PGR: variants seen among roughly 807,000 people sequenced by gnomAD.
The protein encoded by PGR is nuclear receptor subfamily 3 group C member 3.
PGR carries 25 observed loss-of-function variants against 76.1 expected under a neutral mutation model. The ratio of observed to expected loss-of-function variants is 0.33; its 90% CI spans 0.24 to 0.46. The LOEUF (loss-of-function observed/expected upper bound fraction) is 0.46. Among genes scored for constraint, PGR ranks in the 20% least tolerant of loss-of-function variants. The pLI is 1.00. For missense variants in PGR, 1,172 were observed against 1,225.3 expected (o/e 0.96, Z 0.65); for synonymous variants, 579 against 535.0 (o/e 1.08, Z -1.14).
rs1359596929 is a variant in PGR, at chr11:101,038,704, T to C, written c.*412A>G. On this transcript the variant is annotated 3_prime_UTR_variant, in exon 8 of 8. Transcript: ENST00000325455. ...CATTTTAAAGGTTCATTTTTGGAAA[T>C]ATAATTGACACAAAGGGAGTTACCT... is the stretch of plus-strand genomic sequence containing the variant. The C allele has an allele frequency of 1.3e-5, 3 of 232,774 alleles. No individual in the cohort carries two copies. The highest frequency in any genetic ancestry group is 2.5e-5 in the Non-Finnish European group (3 of 117,974). The allele number at this position is 232,774 out of a possible 1,614,324, so 14.4% of individuals were successfully genotyped here. A position where few individuals can be genotyped will look rare whatever the true frequency, so the allele number is the denominator to read the frequency against.
chr11:101,120,845 C>A (rs1015841225), intron 2 of PGR, among the ~76,000 whole-genome samples: 1 of 152,120 alleles, frequency 6.6e-6, no homozygotes, highest in African/African-American at 2.4e-5. Context: ...GATTCAGTGG[C>A]CAGAACAGGA....
rs950439106 is a variant in PGR at position 101,036,948 on chromosome 11, C to A, written c.*2168G>T. ...GAGTCCATCACTTAAGCATAAAGGG[C>A]TAATAATATTGTTTTTGTTTCTTGG... On this transcript the variant is annotated 3_prime_UTR_variant, in exon 8 of 8. Coordinates refer to ENST00000325455, the MANE Select transcript of PGR (RefSeq NM_000926.4). 7 of 202,870 alleles carry A rather than the reference C, an allele frequency of 3.5e-5. No individual in the cohort carries two copies. Among genetic ancestry groups the A allele is most frequent in the Non-Finnish European group, 6.1e-5 (6 of 98,834 alleles). The allele number at this position is 202,870 out of a possible 1,614,324, so 12.6% of individuals were successfully genotyped here.
At chr11:101,064,363 A>AAAAAAAAAAAAAAAAAAAAAAAC in intron 3 of PGR, among the ~76,000 whole-genome samples, 1 of 147,464 alleles carries the variant, frequency 6.8e-6, no homozygotes, top group African/African-American at 2.6e-5. Flanking sequence ...AAAAAAAAAA[A>AAAAAAAAAAAAAAAAAAAAAAAC]AAAAAAAACA....
chr11:101,080,548 C>A (rs1263908497), intron 3 of PGR, among the ~76,000 whole-genome samples: 2 of 151,336 alleles, frequency 1.3e-5, no homozygotes, highest in East Asian at 3.9e-4. Flanking sequence ...TGAGAAGAAA[C>A]CAGTGCAAGA....
rs562801808 is a variant in PGR at position 101,071,049 on chromosome 11, C to G, written c.1907-8297G>C. ...CTGGGAGATACCTCCCAGCAGGGGTCGACAGACACCTCACACAGGAGAGCT... is the reference window on the plus strand; with the variant it reads ...CTGGGAGATACCTCCCAGCAGGGGTGGACAGACACCTCACACAGGAGAGCT... On this transcript the variant is annotated intron_variant, in intron 3 of 7. Coordinates refer to ENST00000325455, the MANE Select transcript of PGR (RefSeq NM_000926.4). Among the ~76,000 whole-genome samples the G allele has an allele frequency of 1.7e-4, 26 of 152,262 alleles. 1 individual carries two copies. The South Asian group carries it at 4.8e-3, about 28-fold the overall frequency.
chr11:101,056,132 A>T (rs2135401507), intron 4 of PGR, among the ~76,000 whole-genome samples: 1 of 152,264 alleles, frequency 6.6e-6, no homozygotes, highest in African/African-American at 2.4e-5. Context: ...ATTCCCAGTG[A>T]TGATAATGAT....
intron 3 of PGR, among the ~76,000 whole-genome samples, chr11:101,064,565 G>C (rs937608295): frequency 2.6e-5 from 4 of 152,104 alleles, no homozygotes; most frequent in African/African-American, 9.6e-5. Context: ...GTGTGTGTGT[G>C]TTTGTGTCTA....
chr11:101,078,304 A>G (rs1360522709), intron 3 of PGR, among the ~76,000 whole-genome samples: 1 of 152,198 alleles, frequency 6.6e-6, no homozygotes, highest in Non-Finnish European at 1.5e-5. Context: ...AAAAACCCAT[A>G]AAACCTGTAA....
At chr11:101,065,187 C>T (rs1310798835) in intron 3 of PGR, among the ~76,000 whole-genome samples, 1 of 152,182 alleles carries the variant, frequency 6.6e-6, no homozygotes, top group East Asian at 1.9e-4. Flanking sequence ...GGGGCTAGGT[C>T]CATTTCACTC....
intron 2 of PGR, among the ~76,000 whole-genome samples, chr11:101,108,109 G>C (rs1824127): frequency 0.32 from 48,547 of 151,290 alleles, 8,030 homozygotes; most frequent in African/African-American, 0.37. Context: ...AAAAAATTAG[G>C]TGGGCTTGGT....
intron 2 of PGR, among the ~76,000 whole-genome samples, chr11:101,113,955 C>G (rs760204256): frequency 6.6e-6 from 1 of 152,118 alleles, no homozygotes; most frequent in Non-Finnish European, 1.5e-5. Context: ...CATCCGCCCC[C>G]CCATCCAAAG....
chr11:101,128,673 G>A lies in PGR; in HGVS notation c.398C>T (p.Ala133Val), dbSNP rs752828135. The change falls in exon 1 of 8, where the codon GCC (alanine) becomes GTC (valine). Residue 133 changes from alanine to valine, a missense_variant. This residue lies in a region of PGR where 893 missense variants were observed against 785.9 expected (regional missense o/e 1.14). Transcript: ENST00000325455. ...GPGQSQPSPPACEVTSSWCLF... is the reference protein window; with the variant it reads ...GPGQSQPSPPVCEVTSSWCLF... ...GCACCAAGAGCTGGTGACCTCGCAG[G>A]CGGGAGGGCTGGGTTGGCTCTGCCC... 2.6e-5 allele frequency: 42 copies of A among 1,598,572 alleles called. No homozygotes were observed. Among genetic ancestry groups the A allele is most frequent in the Non-Finnish European group, 3.5e-5 (41 of 1,173,572 alleles).
intron 2 of PGR, among the ~76,000 whole-genome samples, chr11:101,116,119 C>A (rs1308188166): frequency 6.6e-6 from 1 of 152,200 alleles, no homozygotes; most frequent in Non-Finnish European, 1.5e-5. Flanking sequence ...GTGACTACAA[C>A]AAAATTTTTG....
Position 101,091,823 on chromosome 11 carries a change from G to A in PGR, c.1843C>T (p.Arg615Cys). 6.2e-7 allele frequency: 1 copy of A among 1,612,486 alleles called. No homozygotes were observed. Among genetic ancestry groups the A allele is most frequent in the Non-Finnish European group, 8.5e-7 (1 of 1,178,668 alleles). The stretch of plus-strand genomic sequence containing the variant: ...CGACATGCTGGGCAGTTTTTTCTGC[G>A]GATTTTATCAACGATGCAGTCATTT... ...GRNDCIVDKI[R>C]RKNCPACRLR... The change falls in exon 3 of 8, where the codon CGC becomes TGC. Residue 615 changes from arginine (R) to cysteine (C), a missense_variant. Arg to Cys is a radical substitution (Grantham distance 180). Around this residue, in one of 4 missense-constraint regions of PGR, gnomAD observed 40 missense variants for 82.7 expected, o/e 0.48. Coordinates refer to ENST00000325455, the MANE Select transcript of PGR (RefSeq NM_000926.4).
Position 101,045,297 on chromosome 11 carries a change from T to C in PGR, c.2489-3195A>G, listed in dbSNP as rs574023557. 1.3e-4 allele frequency among the ~76,000 whole-genome samples: 20 copies of C among 152,312 alleles called. No individual in the cohort carries two copies. The South Asian group carries it at 4.1e-3, about 32-fold the overall frequency. On this transcript the variant is annotated intron_variant, in intron 6 of 7. Coordinates refer to ENST00000325455, the MANE Select transcript of PGR (RefSeq NM_000926.4). Reference sequence around the variant, plus strand: ...TCTAGTATGTACATCTATATGTATATCTAGAACCTCTTTTTATTAAATTTG... The same window carrying C: ...TCTAGTATGTACATCTATATGTATACCTAGAACCTCTTTTTATTAAATTTG...
chr11:101,044,700 C>CTTTTTTT (rs34361620), intron 6 of PGR, among the ~76,000 whole-genome samples: 6 of 75,890 alleles, frequency 7.9e-5, no homozygotes, highest in Admixed American at 1.7e-4. Context: ...GGCCTAATTG[C>CTTTTTTT]TTTTTTTTTT....
intron 4 of PGR, among the ~76,000 whole-genome samples, chr11:101,059,479 A>T (rs1296210585): frequency 6.6e-6 from 1 of 152,108 alleles, no homozygotes; most frequent in East Asian, 1.9e-4. Flanking sequence ...TTTGCAATGT[A>T]TCCTAAGAGA....
rs1433267936 is a variant in PGR at position 101,034,159 on chromosome 11, C to T, written c.*4957G>A. 2 of 227,384 alleles carry T rather than the reference C, an allele frequency of 8.8e-6. No individual in the cohort carries two copies. The highest frequency in any genetic ancestry group is 5.7e-5 in the Admixed American group (1 of 17,578). 14.1% of individuals were successfully genotyped at this position (227,384 alleles called of 1,614,324 possible). A position where few individuals can be genotyped will look rare whatever the true frequency, so the allele number is the denominator to read the frequency against. On this transcript the variant is annotated 3_prime_UTR_variant, in exon 8 of 8. Transcript: ENST00000325455. ...CAACCAGCTTAAAAATAATGCCTCT[C>T]CCATGTCTCCATGAGTGGAAAAAAA...
intron 3 of PGR, among the ~76,000 whole-genome samples, chr11:101,068,497 C>T (rs901550240): frequency 6.6e-6 from 1 of 152,056 alleles, no homozygotes; most frequent in Non-Finnish European, 1.5e-5. Context: ...TGACTTTCTT[C>T]ACAAAATTAG....
Sources: allele counts gnomAD v4.1 joint callset (sites outside exome capture counted in the v4.1 genomes callset), GRCh38; gene constraint gnomAD v4.1.1; regional missense constraint gnomAD v4.1.1; transcripts MANE v1.5; gene names NCBI Gene and HGNC (gene_info 2026-07-23, HGNC 2026-07-21).